CPVL: variants seen among roughly 807,000 people sequenced by gnomAD.
The protein encoded by CPVL is carboxypeptidase vitellogenic like, also known as probable serine carboxypeptidase CPVL.
CPVL carries 51 observed loss-of-function variants against 63.7 expected under a neutral mutation model. The observed-to-expected ratio is 0.80, with a 90% CI of 0.64 to 1.01. CPVL has a LOEUF of 1.01. Ranked by LOEUF, CPVL falls within the 50% of genes least tolerant of loss-of-function variation. The pLI, the probability that CPVL is intolerant of heterozygous loss-of-function variation, is 0.00. For synonymous variants in CPVL, 195 were observed against 206.0 expected, an observed-to-expected ratio of 0.95 and a Z score of 0.46; for missense variants, 530 against 573.1, an observed-to-expected ratio of 0.92 and a Z score of 0.77.
At chr7:29,071,081 A>G (rs143059960) in intron 9 of CPVL, among the ~76,000 whole-genome samples, 42 of 152,202 alleles carry the variant, frequency 2.8e-4, no homozygotes, top group Non-Finnish European at 3.7e-4. Flanking sequence ...TTGTTTACAC[A>G]TGGCTCTGTC....
At chr7:29,064,010 C>T (rs375626332) in intron 11 of CPVL, 51 bp downstream of exon 11, 19 of 1,305,752 alleles carry the variant, frequency 1.5e-5, no homozygotes, top group Non-Finnish European at 2.1e-5. Flanking sequence ...ATCACTTCTG[C>T]TCTGGGTAAT....
intron 11 of CPVL, among the ~76,000 whole-genome samples, chr7:29,061,567 A>G (rs2128560391): frequency 6.6e-6 from 1 of 152,304 alleles, no homozygotes; most frequent in East Asian, 1.9e-4. Flanking sequence ...ATCAGTCAAA[A>G]CATAAGGAGA....
At chr7:29,089,664 C>T (rs1785570266) in intron 6 of CPVL, among the ~76,000 whole-genome samples, 2 of 152,160 alleles carry the variant, frequency 1.3e-5, no homozygotes, top group South Asian at 2.1e-4. Context: ...TCAAAAGCTA[C>T]CATCCATTCC....
intron 5 of CPVL, among the ~76,000 whole-genome samples, chr7:29,177,135 T>C (rs1193461782): frequency 6.6e-6 from 1 of 152,200 alleles, no homozygotes; most frequent in Non-Finnish European, 1.5e-5. Context: ...CACTAAAAAA[T>C]TTACTCACTG....
At chr7:29,017,355 T>G (rs1173879597) in intron 12 of CPVL, among the ~76,000 whole-genome samples, 1 of 152,192 alleles carries the variant, frequency 6.6e-6, no homozygotes, top group African/African-American at 2.4e-5. Context: ...CCCAATCGGC[T>G]GGGCGTGGTG....
intron 6 of CPVL, among the ~76,000 whole-genome samples, chr7:29,090,449 T>C (rs1283153002): frequency 1.3e-5 from 2 of 152,194 alleles, no homozygotes; most frequent in African/African-American, 4.8e-5. Flanking sequence ...ACACTACATA[T>C]CATTTCCCAT....
At chr7:29,168,760 A>G (rs927893432) in intron 5 of CPVL, among the ~76,000 whole-genome samples, 3 of 152,218 alleles carry the variant, frequency 2.0e-5, no homozygotes, top group African/African-American at 7.2e-5. Flanking sequence ...CCATTATATT[A>G]TGCTAAAAGC....
At chr7:29,152,609 A>G (rs1215844793) in intron 5 of CPVL, among the ~76,000 whole-genome samples, 3 of 152,140 alleles carry the variant, frequency 2.0e-5, no homozygotes, top group Non-Finnish European at 2.9e-5. Context: ...GTTTGTTCCC[A>G]TCCACCCCAC....
chr7:29,069,302 G>A (rs1050911904), intron 9 of CPVL, among the ~76,000 whole-genome samples: 2 of 151,796 alleles, frequency 1.3e-5, no homozygotes, highest in Admixed American at 6.6e-5. Flanking sequence ...TTAGCCATTC[G>A]TGGTGGCGAG....
chr7:29,074,119 T>C (rs1784007065), intron 7 of CPVL, among the ~76,000 whole-genome samples: 1 of 152,214 alleles, frequency 6.6e-6, no homozygotes, highest in Admixed American at 6.5e-5. Flanking sequence ...GGTTAAGTTG[T>C]AGAGCCAGAA....
intron 10 of CPVL, 36 bp from the exon 11 acceptor site, chr7:29,064,270 T>G: frequency 7.4e-7 from 1 of 1,350,110 alleles, no homozygotes; most frequent in South Asian, 1.2e-5. Context: ...ATAGGGAACA[T>G]GATTGGTGGC....
At chr7:29,057,296 C>T (rs1790837745) in intron 11 of CPVL, among the ~76,000 whole-genome samples, 1 of 152,088 alleles carries the variant, frequency 6.6e-6, no homozygotes, top group Non-Finnish European at 1.5e-5. Flanking sequence ...TGTATATTTT[C>T]ACTGGTGAGG....
intron 11 of CPVL, among the ~76,000 whole-genome samples, chr7:29,042,990 G>A (rs975222672): frequency 6.6e-6 from 1 of 152,200 alleles, no homozygotes; most frequent in Non-Finnish European, 1.5e-5. Context: ...TTGCCTTCCA[G>A]CTTGAGAAAA....
chr7:29,097,810 G>A (rs1296652572), intron 3 of CPVL, among the ~76,000 whole-genome samples: 1 of 152,190 alleles, frequency 6.6e-6, no homozygotes, highest in Non-Finnish European at 1.5e-5. Flanking sequence ...CTTCAATGAG[G>A]TCTGAGCGCT....
chr7:29,120,875 T>C lies in CPVL; in HGVS notation c.169+18A>G. 6.2e-7 allele frequency: 1 copy of C among 1,602,348 alleles called. No individual in the cohort carries two copies. The highest frequency in any genetic ancestry group is 8.5e-7 in the Non-Finnish European group (1 of 1,174,598). Reference sequence around the variant, plus strand: ...GAACTCATGCCAGTGGTTTTCTGATTTAATTAAACTTACTTACCTTTTTGG... The same window carrying C: ...GAACTCATGCCAGTGGTTTTCTGATCTAATTAAACTTACTTACCTTTTTGG... On this transcript the variant is annotated intron_variant, in intron 2 of 12. Coordinates refer to ENST00000265394, the MANE Select transcript of CPVL (RefSeq NM_031311.5).
At chr7:29,167,488 T>G (rs1796067345) in intron 5 of CPVL, among the ~76,000 whole-genome samples, 2 of 152,332 alleles carry the variant, frequency 1.3e-5, no homozygotes, top group African/African-American at 2.4e-5. Context: ...TGAATATGTC[T>G]TTGGTGCACA....
intron 12 of CPVL, among the ~76,000 whole-genome samples, chr7:29,029,447 C>T (rs926882184): frequency 2.0e-5 from 3 of 152,122 alleles, no homozygotes; most frequent in South Asian, 4.2e-4. Flanking sequence ...GTGGCATATA[C>T]ACACAATGGA....
chr7:29,094,503 C>T (rs1408747778), intron 5 of CPVL, among the ~76,000 whole-genome samples: 1 of 152,050 alleles, frequency 6.6e-6, no homozygotes, highest in African/African-American at 2.4e-5. Context: ...AAATGAATTC[C>T]TCCTCCTGGG....
intron 7 of CPVL, among the ~76,000 whole-genome samples, chr7:29,074,666 T>C (rs1784068980): frequency 2.0e-5 from 3 of 151,582 alleles, no homozygotes; most frequent in African/African-American, 4.9e-5. Context: ...ATTCTCATGA[T>C]AGTGAGGGAG....
Sources: allele counts gnomAD v4.1 joint callset (sites outside exome capture counted in the v4.1 genomes callset), GRCh38; gene constraint gnomAD v4.1.1; transcripts MANE v1.5; gene names NCBI Gene and HGNC (gene_info 2026-07-23, HGNC 2026-07-21).